Variants in LHFPL6 observed in about 807,000 individuals in gnomAD.
LHFPL6 encodes the protein LHFPL tetraspan subfamily member 6 protein.
A neutral mutation model predicts 20.6 loss-of-function variants in LHFPL6; 9 were observed. The observed-to-expected ratio is 0.44, with a 90% CI of 0.26 to 0.76. LHFPL6 has a LOEUF of 0.76. Ranked by LOEUF, LHFPL6 falls within the 30% of genes least tolerant of loss-of-function variation. The pLI is 0.20. For synonymous variants in LHFPL6, 105 were observed against 98.7 expected (o/e 1.06, Z -0.38); for missense variants, 218 against 253.5 (o/e 0.86, Z 0.95).
chr13:39,557,637 T>A (rs1871346061), intron 2 of LHFPL6, among the ~76,000 whole-genome samples: 1 of 152,228 alleles, frequency 6.6e-6, no homozygotes. Flanking sequence ...ATGAGATCTG[T>A]GGGGGCCACA....
intron 3 of LHFPL6, among the ~76,000 whole-genome samples, chr13:39,352,000 A>T (rs74044034): frequency 0.01 from 1,569 of 152,298 alleles, 28 homozygotes; most frequent in African/African-American, 0.036. Flanking sequence ...TTTAAATTTA[A>T]TTCAGCCAAA....
Position 39,388,369 on chromosome 13 carries a change from A to T in LHFPL6, c.386-9843T>A, listed in dbSNP as rs962798003. ...CACAAGCTAACTTCAGTCATGAGTG[A>T]CTTGTCACTTTTTATCTTCCTGGGG... On this transcript the variant is annotated intron_variant, in intron 2 of 3. Transcript: ENST00000379589. Among the ~76,000 whole-genome samples the T allele has an allele frequency of 3.3e-5, 5 of 152,198 alleles. No individual in the cohort carries two copies. In the East Asian group the frequency reaches 9.6e-4, roughly 29 times the overall value.
intron 2 of LHFPL6, among the ~76,000 whole-genome samples, chr13:39,478,020 C>T (rs1163148650): frequency 6.6e-6 from 1 of 152,152 alleles, no homozygotes; most frequent in East Asian, 1.9e-4. Context: ...AAACCAATGT[C>T]CAGTTTTGAG....
At chr13:39,457,566 T>C (rs1202508889) in intron 2 of LHFPL6, among the ~76,000 whole-genome samples, 2 of 152,216 alleles carry the variant, frequency 1.3e-5, no homozygotes, top group East Asian at 1.9e-4. Flanking sequence ...GAAAGCAGTA[T>C]AGCAATTTCT....
At chr13:39,377,043 T>G (rs1870309548) in intron 3 of LHFPL6, among the ~76,000 whole-genome samples, 1 of 152,078 alleles carries the variant, frequency 6.6e-6, no homozygotes, top group Admixed American at 6.5e-5. Flanking sequence ...GGAAAGACGC[T>G]CTCACCATAC....
chr13:39,494,111 T>C (rs1375053063), intron 2 of LHFPL6, among the ~76,000 whole-genome samples: 1 of 152,222 alleles, frequency 6.6e-6, no homozygotes, highest in Non-Finnish European at 1.5e-5. Flanking sequence ...GGGTACCCCA[T>C]AATACCATTC....
intron 2 of LHFPL6, among the ~76,000 whole-genome samples, chr13:39,560,021 A>C (rs957005651): frequency 2.6e-5 from 4 of 152,158 alleles, no homozygotes; most frequent in African/African-American, 9.7e-5. Context: ...CCACAAGACC[A>C]ACTGAGCTTC....
At chr13:39,597,274 A>G (rs1872798462) in intron 2 of LHFPL6, among the ~76,000 whole-genome samples, 1 of 152,248 alleles carries the variant, frequency 6.6e-6, no homozygotes. Context: ...GTACACATTC[A>G]GATTCTGACA....
chr13:39,467,917 G>A (rs1234107836), intron 2 of LHFPL6, among the ~76,000 whole-genome samples: 1 of 152,144 alleles, frequency 6.6e-6, no homozygotes, highest in Middle Eastern at 3.2e-3. Flanking sequence ...ACTTTCCCGT[G>A]ATTTTTCCCC....
intron 3 of LHFPL6, among the ~76,000 whole-genome samples, chr13:39,345,535 A>AAAAAAAAAAAAAAAAAAAAAAAAAAAC (rs1478847967): frequency 6.8e-6 from 1 of 147,472 alleles, no homozygotes. Flanking sequence ...AAAAAAAAAA[A>AAAAAAAAAAAAAAAAAAAAAAAAAAAC]AAAAAGAAAG....
chr13:39,504,485 T>C (rs1305949044), intron 2 of LHFPL6, among the ~76,000 whole-genome samples: 1 of 152,164 alleles, frequency 6.6e-6, no homozygotes. Context: ...TTTCCCACAG[T>C]TCTGGAGGCT....
chr13:39,400,539 T>G (rs1456823766), intron 2 of LHFPL6, among the ~76,000 whole-genome samples: 1 of 151,922 alleles, frequency 6.6e-6, no homozygotes, highest in Non-Finnish European at 1.5e-5. Context: ...ATCCCAGCAC[T>G]TTGGGAGGCC....
intron 2 of LHFPL6, among the ~76,000 whole-genome samples, chr13:39,396,092 C>G (rs149988923): frequency 1.9e-4 from 29 of 151,958 alleles, no homozygotes; most frequent in South Asian, 8.4e-4. Flanking sequence ...CTGCTGTGAC[C>G]CTTGAACCTC....
chr13:39,432,356 CT>C (rs1335422038), intron 2 of LHFPL6, among the ~76,000 whole-genome samples: 2 of 152,110 alleles, frequency 1.3e-5, no homozygotes, highest in Non-Finnish European at 2.9e-5. Flanking sequence ...TGGCTTTCCC[CT>C]CTGTCCATTC....
chr13:39,591,613 A>C (rs192222669), intron 2 of LHFPL6, among the ~76,000 whole-genome samples: 80 of 152,304 alleles, frequency 5.3e-4, no homozygotes, highest in Non-Finnish European at 6.3e-4. Flanking sequence ...TTAGGCAAAT[A>C]AAATTGGTTT....
chr13:39,514,476 G>A (rs1229332397), intron 2 of LHFPL6, among the ~76,000 whole-genome samples: 1 of 152,202 alleles, frequency 6.6e-6, no homozygotes, highest in Non-Finnish European at 1.5e-5. Flanking sequence ...AGTAGGTATT[G>A]TACCTGCTCT....
chr13:39,393,752 T>C (rs1348605474), intron 2 of LHFPL6, among the ~76,000 whole-genome samples: 1 of 152,172 alleles, frequency 6.6e-6, no homozygotes, highest in African/African-American at 2.4e-5. Flanking sequence ...ATTCATTCAT[T>C]TATTCATTCA....
intron 2 of LHFPL6, among the ~76,000 whole-genome samples, chr13:39,507,224 G>C (rs1869516339): frequency 6.6e-6 from 1 of 152,298 alleles, no homozygotes; most frequent in Admixed American, 6.5e-5. Context: ...GTAGCCAACA[G>C]AAGCTACACG....
intron 2 of LHFPL6, among the ~76,000 whole-genome samples, chr13:39,594,475 TG>T (rs1872710496): frequency 6.6e-6 from 1 of 152,208 alleles, no homozygotes; most frequent in South Asian, 2.1e-4. Context: ...CAACAGGTGC[TG>T]GAGAGGATGT....
Sources: gnomAD v4.1 joint callset for allele counts (sites outside exome capture counted in the v4.1 genomes callset) on GRCh38, gnomAD v4.1.1 for gene constraint, MANE v1.5 for transcripts, NCBI Gene and HGNC (gene_info 2026-07-23, HGNC 2026-07-21) for gene names.